Variants in DOCK3 observed in about 807,000 individuals in gnomAD.
DOCK3 encodes the protein dedicator of cytokinesis 3, also known as dedicator of cytokinesis protein 3.
Under a neutral mutation model 265.6 loss-of-function variants are expected in DOCK3, and 60 were observed. That is an observed-to-expected ratio of 0.23 (90% CI 0.18 to 0.28). The LOEUF (loss-of-function observed/expected upper bound fraction) is 0.28, where lower values mean the gene tolerates loss of function less well. Ranked by LOEUF, DOCK3 falls within the 10% of genes least tolerant of loss-of-function variation. The probability of loss-of-function intolerance (pLI) is 1.00; values close to 1 mark genes in which losing one functional copy is unlikely to be tolerated. For synonymous variants in DOCK3, 881 were observed against 938.0 expected, an observed-to-expected ratio of 0.94 and a Z score of 1.11; for missense variants, 1,981 against 2,594.3, an observed-to-expected ratio of 0.76 and a Z score of 5.14.
At chr3:50,928,125 G>A (rs958857045) in intron 4 of DOCK3, among the ~76,000 whole-genome samples, 6 of 76,742 alleles carry the variant, frequency 7.8e-5, no homozygotes. Flanking sequence ...ATTTTATTGT[G>A]ATGATATATA....
chr3:50,983,062 A>G (rs2077754809), intron 5 of DOCK3, among the ~76,000 whole-genome samples: 1 of 152,126 alleles, frequency 6.6e-6, no homozygotes, highest in Non-Finnish European at 1.5e-5. Context: ...AAGCCCAGGC[A>G]CTGTCACAGC....
At chr3:50,905,037 G>T (rs2049408646) in intron 4 of DOCK3, among the ~76,000 whole-genome samples, 2 of 152,168 alleles carry the variant, frequency 1.3e-5, no homozygotes, top group Non-Finnish European at 2.9e-5. Context: ...CCCATTGCTT[G>T]TTTTTCTCAG....
intron 4 of DOCK3, among the ~76,000 whole-genome samples, chr3:50,922,344 AC>A (rs1461767899): frequency 6.6e-6 from 1 of 152,044 alleles, no homozygotes; most frequent in African/African-American, 2.4e-5. Context: ...TGGGTGTAGG[AC>A]CCCCTGAGCC....
intron 2 of DOCK3, among the ~76,000 whole-genome samples, chr3:50,820,980 A>AT (rs771462357): frequency 1.3e-4 from 19 of 151,744 alleles, no homozygotes; most frequent in Non-Finnish European, 2.5e-4. Flanking sequence ...TCCTTTGGCC[A>AT]TTTTTTAATG....
At chr3:51,310,151 C>T (rs893024885) in intron 27 of DOCK3, 81 bp from the exon 28 acceptor site, 38 of 1,060,552 alleles carry the variant, frequency 3.6e-5, no homozygotes, top group Non-Finnish European at 5.1e-5. Context: ...TTGTCATGAT[C>T]TAGTGGCGGC....
chr3:51,083,329 G>C (rs1451864157), intron 7 of DOCK3, among the ~76,000 whole-genome samples: 1 of 152,090 alleles, frequency 6.6e-6, no homozygotes, highest in Non-Finnish European at 1.5e-5. Context: ...TATAAAATTA[G>C]AACAAGCAGC....
intron 5 of DOCK3, among the ~76,000 whole-genome samples, chr3:50,957,490 A>G (rs977815055): frequency 6.6e-6 from 1 of 152,190 alleles, no homozygotes; most frequent in Non-Finnish European, 1.5e-5. Flanking sequence ...CTGCTAATCT[A>G]TCAAAACCAA....
intron 4 of DOCK3, among the ~76,000 whole-genome samples, chr3:50,907,511 CCTT>C (rs1159518790): frequency 6.6e-6 from 1 of 151,984 alleles, no homozygotes; most frequent in Admixed American, 6.6e-5. Flanking sequence ...TATGTAATAG[CCTT>C]CTTTGTCTTT....
chr3:50,890,194 A>G, intron 4 of DOCK3, 113 bp downstream of exon 4: 1 of 732,674 alleles, frequency 1.4e-6, no homozygotes, highest in Non-Finnish European at 2.0e-6. Context: ...TTTCCTGGCA[A>G]AAATGTACAT....
chr3:50,956,701 G>A (rs2076740135), intron 5 of DOCK3, among the ~76,000 whole-genome samples: 1 of 152,128 alleles, frequency 6.6e-6, no homozygotes, highest in Admixed American at 6.5e-5. Flanking sequence ...TTGTCTAGCT[G>A]AGTAGGCAAA....
intron 12 of DOCK3, among the ~76,000 whole-genome samples, chr3:51,189,859 C>G (rs1037139344): frequency 3.3e-5 from 5 of 152,158 alleles, no homozygotes; most frequent in African/African-American, 9.7e-5. Context: ...AGAAGTTGTA[C>G]TAATCCCACC....
At chr3:51,265,996 A>C (rs1216397048) in intron 23 of DOCK3, among the ~76,000 whole-genome samples, 1 of 151,956 alleles carries the variant, frequency 6.6e-6, no homozygotes, top group Non-Finnish European at 1.5e-5. Context: ...AACTTCAGCA[A>C]AGTCTCAGGA....
intron 4 of DOCK3, among the ~76,000 whole-genome samples, chr3:50,894,205 G>A (rs2048785188): frequency 6.6e-6 from 1 of 152,008 alleles, no homozygotes; most frequent in Admixed American, 6.6e-5. Flanking sequence ...AGAGAATTTT[G>A]AAAGCAGCAA....
chr3:51,358,878 A>G (rs945687637), intron 46 of DOCK3, among the ~76,000 whole-genome samples: 1 of 152,194 alleles, frequency 6.6e-6, no homozygotes, highest in Non-Finnish European at 1.5e-5. Context: ...AGAGCCCCCT[A>G]TTCACATATC....
chr3:50,956,748 A>G (rs952133192), intron 5 of DOCK3, among the ~76,000 whole-genome samples: 11 of 152,234 alleles, frequency 7.2e-5, no homozygotes, highest in African/African-American at 2.7e-4. Flanking sequence ...TTCGACTCCA[A>G]GGTTTCCATT....
At chr3:50,907,734 G>A (rs1326880806) in intron 4 of DOCK3, among the ~76,000 whole-genome samples, 1 of 152,036 alleles carries the variant, frequency 6.6e-6, no homozygotes, top group South Asian at 2.1e-4. Flanking sequence ...TTTAATTGGA[G>A]CATTTAGCCC....
At chr3:51,018,626 G>A (rs556175938) in intron 5 of DOCK3, among the ~76,000 whole-genome samples, 7 of 151,588 alleles carry the variant, frequency 4.6e-5, no homozygotes, top group Non-Finnish European at 1.0e-4. Flanking sequence ...GTCTAGACAC[G>A]CAATTCATTT....
chr3:51,127,885 G>A (rs914424074), intron 9 of DOCK3, among the ~76,000 whole-genome samples: 24 of 152,220 alleles, frequency 1.6e-4, no homozygotes, highest in Middle Eastern at 3.4e-3. Flanking sequence ...CTTAATCACA[G>A]GGCATGGTAA....
chr3:51,131,082 A>C (rs2084511358), intron 9 of DOCK3, among the ~76,000 whole-genome samples: 1 of 152,110 alleles, frequency 6.6e-6, no homozygotes, highest in Non-Finnish European at 1.5e-5. Context: ...TTCCCACCGT[A>C]ATAGCCCTCT....
Sources: gnomAD v4.1 joint callset for allele counts (sites outside exome capture counted in the v4.1 genomes callset) on GRCh38, gnomAD v4.1.1 for gene constraint, MANE v1.5 for transcripts, NCBI Gene and HGNC (gene_info 2026-07-23, HGNC 2026-07-21) for gene names.